The following ACR variants were observed in gnomAD, a reference collection of about 807,000 sequenced individuals.
ACR encodes acrosin, also known as acrosin light and heavy chain prepropeptide.
ACR carries 17 observed loss-of-function variants against 26.0 expected under a neutral mutation model. The observed-to-expected ratio is 0.65, with a 90% CI of 0.45 to 0.98. The LOEUF is 0.98. Among genes scored for constraint, ACR ranks in the 50% least tolerant of loss-of-function variants. The pLI is 0.00. For missense variants in ACR, 435 were observed against 519.3 expected (o/e 0.84, Z 1.58); for synonymous variants, 199 against 207.7 (o/e 0.96, Z 0.36).
rs2083416830 is a variant in ACR, at chr22:50,739,884, A to T, written c.472A>T (p.Ile158Phe). The T allele has an allele frequency of 1.2e-6, 2 of 1,612,930 alleles. No individual in the cohort carries two copies. Among genetic ancestry groups the T allele is most frequent in the Non-Finnish European group, 1.7e-6 (2 of 1,179,248 alleles). The change falls in exon 3 of 5, where the codon ATT (isoleucine) becomes TTT (phenylalanine). Residue 158 changes from isoleucine (I) to phenylalanine (F), a missense_variant. Ile to Phe is a conservative substitution (Grantham distance 21). Transcript: ENST00000216139. This position sits in a 1 kb window ranked among gnomAD's most constrained non-coding sequence, Gnocchi z 5.5. ...CCCTCCCATTTCGTGTGGGCGCTTC[A>T]TTGGGCCGGGCTGCCTGCCCCACTT... ...ITPPISCGRFIGPGCLPHFKA... is the reference protein window; with the variant it reads ...ITPPISCGRFFGPGCLPHFKA...
chr22:50,743,120 C>T (rs1480594614), intron 3 of ACR, among the ~76,000 whole-genome samples: 4 of 151,454 alleles, frequency 2.6e-5, no homozygotes, highest in Non-Finnish European at 5.9e-5. Context: ...ACTGCAAGCT[C>T]CGCCTCCCGG....
intron 3 of ACR, among the ~76,000 whole-genome samples, chr22:50,742,243 T>A (rs951782007): frequency 6.6e-6 from 1 of 152,092 alleles, no homozygotes; most frequent in Non-Finnish European, 1.5e-5. Flanking sequence ...GGCTCTGCCC[T>A]AGACTTAAAA....
At chr22:50,742,853 C>A (rs1279508046) in intron 3 of ACR, among the ~76,000 whole-genome samples, 5 of 152,220 alleles carry the variant, frequency 3.3e-5, no homozygotes, top group African/African-American at 1.2e-4. Flanking sequence ...CTCCCATCTG[C>A]TCTGCAGGTG....
intron 3 of ACR, chr22:50,740,698 A>G (rs1256923094): frequency 1.4e-6 from 1 of 702,384 alleles, no homozygotes; most frequent in Non-Finnish European, 2.6e-6. Context: ...TCCATAACCA[A>G]GCTGTCTCTC....
intron 3 of ACR, among the ~76,000 whole-genome samples, chr22:50,742,523 GACAGAGCA>G (rs2083429081): frequency 7.2e-6 from 1 of 138,646 alleles, no homozygotes; most frequent in African/African-American, 2.8e-5. Flanking sequence ...CAGCCTGGGC[GACAGAGCA>G]AGACTCCGTC....
Position 50,739,107 on chromosome 22 carries a change from A to G in ACR, c.78-164A>G, listed in dbSNP as rs555242457. On this transcript the variant is annotated intron_variant, in intron 1 of 4. Coordinates refer to ENST00000216139, the MANE Select transcript of ACR (RefSeq NM_001097.3). The surrounding 1 kb of genome is among the most constrained non-coding windows in gnomAD (Gnocchi z 5.5). The stretch of plus-strand genomic sequence containing the variant: ...TCGTGGCCCCAGAACCATTTCCTAG[A>G]GCCTGCGGCTTCCTACATAGCGCAG... Among the ~76,000 whole-genome samples, 51 of 152,220 alleles carry G rather than the reference A, an allele frequency of 3.4e-4. No individual in the cohort carries two copies. The highest frequency in any genetic ancestry group is 6.2e-4 in the Non-Finnish European group (42 of 68,000).
intron 3 of ACR, among the ~76,000 whole-genome samples, chr22:50,743,137 G>C (rs1406585446): frequency 6.6e-6 from 1 of 150,690 alleles, no homozygotes; most frequent in Non-Finnish European, 1.5e-5. Flanking sequence ...CCGGGTTCAC[G>C]CCATTCTCCT....
Position 50,739,492 on chromosome 22 carries a change from C to G in ACR, c.281+18C>G. 2 of 1,613,580 alleles carry G rather than the reference C, an allele frequency of 1.2e-6. No individual in the cohort carries two copies. The highest frequency in any genetic ancestry group is 4.5e-5 in the East Asian group (2 of 44,854). On this transcript the variant is annotated intron_variant, in intron 2 of 4. Coordinates refer to ENST00000216139, the MANE Select transcript of ACR (RefSeq NM_001097.3). This position sits in a 1 kb window ranked among gnomAD's most constrained non-coding sequence, Gnocchi z 5.5. The stretch of plus-strand genomic sequence containing the variant: ...GGCAAAAAGTACGTGTAGGGATGCA[C>G]TGAGGGAGGTCTTCAGAACGGCTCT...
intron 3 of ACR, chr22:50,740,612 G>A (rs1246589975): frequency 8.5e-6 from 6 of 702,566 alleles, no homozygotes; most frequent in Non-Finnish European, 1.6e-5. Context: ...AGGCATCCCT[G>A]TATTTCAGGC....
chr22:50,744,110 C>A lies in ACR; in HGVS notation c.615C>A (p.Asp205Glu), dbSNP rs768837972. The change falls in exon 4 of 5, where the codon GAC (aspartate) becomes GAA (glutamate). Residue 205 changes from aspartate (D) to glutamate (E), a missense_variant. Asp to Glu is a conservative substitution (Grantham distance 45). This residue lies in a region of ACR where 314 missense variants were observed against 372.0 expected (regional missense o/e 0.84). Coordinates refer to ENST00000216139, the MANE Select transcript of ACR (RefSeq NM_001097.3). ...TGGAGGCACGTGTGGATCTCATCGA[C>A]CTGGACTTGTGTAACTCGACCCAGT... ...ILMEARVDLI[D>E]LDLCNSTQWY... is the part of the protein sequence containing the mutation. The A allele has an allele frequency of 1.9e-5, 31 of 1,610,708 alleles. No homozygotes were observed. The highest frequency in any genetic ancestry group is 2.6e-5 in the Non-Finnish European group (31 of 1,178,688).
chr22:50,742,993 C>T (rs1173350646), intron 3 of ACR, among the ~76,000 whole-genome samples: 1 of 152,132 alleles, frequency 6.6e-6, no homozygotes, highest in East Asian at 1.9e-4. Flanking sequence ...GCCGTAGCAT[C>T]GGGTCTTTCT....
chr22:50,739,734 A>T lies in ACR; in HGVS notation c.322A>T (p.Ile108Phe). The T allele has an allele frequency of 1.3e-6, 2 of 1,551,332 alleles. No homozygotes were observed. Among genetic ancestry groups the T allele is most frequent in the Non-Finnish European group, 1.7e-6 (2 of 1,151,632 alleles). The change falls in exon 3 of 5, where the codon ATT becomes TTT. Residue 108 changes from isoleucine (I) to phenylalanine (F), a missense_variant. Ile to Phe is a conservative substitution (Grantham distance 21). This residue lies in a region of ACR where 314 missense variants were observed against 372.0 expected (regional missense o/e 0.84). Transcript: ENST00000216139. This position sits in a 1 kb window ranked among gnomAD's most constrained non-coding sequence, Gnocchi z 5.5. ...GAGACTGGTTTTCGGAGCAAAGGAA[A>T]TTACATATGGGAACAATAAACCAGT... ...DWRLVFGAKE[I>F]TYGNNKPVKA...
intron 3 of ACR, among the ~76,000 whole-genome samples, chr22:50,742,340 C>T (rs1169085898): frequency 2.0e-5 from 3 of 151,804 alleles, no homozygotes; most frequent in South Asian, 2.1e-4. Context: ...GTCGTGAGAT[C>T]GAGACCATCC....
rs1409820426 is a variant in ACR, at chr22:50,744,948, C to T, written c.1007C>T (p.Pro336Leu). 6.7e-6 allele frequency: 10 copies of T among 1,487,842 alleles called. No individual in the cohort carries two copies. Among genetic ancestry groups the T allele is most frequent in the African/African-American group, 5.0e-5 (3 of 59,966 alleles). The allele number at this position is 1,487,842 out of a possible 1,614,324, so 92.2% of individuals were successfully genotyped here. The change falls in exon 5 of 5, where the codon CCA (proline) becomes CTA (leucine). Residue 336 changes from proline to leucine, a missense_variant. This residue lies in a region of ACR where 92 missense variants were observed against 87.8 expected (regional missense o/e 1.05). Transcript: ENST00000216139. ...TTCCAACCGCCCCCTCGACCACTTC[C>T]ACCCCGACCACCGGCAGCCCAGCCC... ...WYFQPPPRPLPPRPPAAQPRP... is the reference protein window; with the variant it reads ...WYFQPPPRPLLPRPPAAQPRP...
chr22:50,740,416 G>A (rs569338043), intron 3 of ACR: 45 of 603,536 alleles, frequency 7.5e-5, no homozygotes, highest in Non-Finnish European at 1.1e-4. Flanking sequence ...TCTCCAAGCT[G>A]ACCATTTCCT....
Position 50,739,222 on chromosome 22 carries a change from A to G in ACR, c.78-49A>G. 6.7e-7 allele frequency: 1 copy of G among 1,495,156 alleles called. No homozygotes were observed. 92.6% of individuals were successfully genotyped at this position (1,495,156 alleles called of 1,614,324 possible). On this transcript the variant is annotated intron_variant, in intron 1 of 4. Coordinates refer to ENST00000216139, the MANE Select transcript of ACR (RefSeq NM_001097.3). The surrounding 1 kb of genome is among the most constrained non-coding windows in gnomAD (Gnocchi z 5.5). ...TCCCCTCAGTTGTGGAGTTACAAGG[A>G]CAGGCTGTGCTCATGCCAGGTTTGA...
intron 3 of ACR, chr22:50,740,479 C>G: frequency 1.6e-6 from 1 of 639,744 alleles, no homozygotes; most frequent in East Asian, 2.7e-5. Context: ...GTCTTTGTCA[C>G]CATCAGCAGC....
At position 50,739,576 on chromosome 22, in the gene ACR, A is replaced by G; in HGVS notation, c.281+102A>G. 1 of 1,567,312 alleles carries G rather than the reference A, an allele frequency of 6.4e-7. No homozygotes were observed. The highest frequency in any genetic ancestry group is 1.3e-5 in the African/African-American group (1 of 74,316). On this transcript the variant is annotated intron_variant, in intron 2 of 4. Coordinates refer to ENST00000216139, the MANE Select transcript of ACR (RefSeq NM_001097.3). The surrounding 1 kb of genome is among the most constrained non-coding windows in gnomAD (Gnocchi z 5.5). ...CAGCGTCTCCCTGGGGCTCTGGGCC[A>G]AGTGGCTGCAAGACTCCGGGGGCTG...
At chr22:50,742,010 C>T (rs1158550909) in intron 3 of ACR, among the ~76,000 whole-genome samples, 1 of 151,998 alleles carries the variant, frequency 6.6e-6, no homozygotes, top group Non-Finnish European at 1.5e-5. Flanking sequence ...GTGGTGGATG[C>T]CTGTTGTCCC....
Sources: gnomAD v4.1 joint callset for allele counts (sites outside exome capture counted in the v4.1 genomes callset) on GRCh38, gnomAD v4.1.1 for gene constraint, gnomAD v4.1.1 regional missense constraint, Gnocchi (gnomAD v3.1) non-coding constraint, MANE v1.5 for transcripts, NCBI Gene and HGNC (gene_info 2026-07-23, HGNC 2026-07-21) for gene names.